AGAP1: variants seen among roughly 807,000 people sequenced by gnomAD.
The protein encoded by AGAP1 is ArfGAP with GTPase domain, ankyrin repeat and PH domain 1.
Under a neutral mutation model 105.3 loss-of-function variants are expected in AGAP1, and 29 were observed. That is an observed-to-expected ratio of 0.28 (90% CI 0.21 to 0.38). The LOEUF (loss-of-function observed/expected upper bound fraction) is 0.38. AGAP1 is among the 10% of genes least tolerant of loss of function. AGAP1 has a pLI of 1.00. For missense variants in AGAP1, 998 were observed against 1,165.1 expected (o/e 0.86, Z 2.09); for synonymous variants, 509 against 485.9 (o/e 1.05, Z -0.63).
chr2:235,564,047 G>A (rs760653979), intron 1 of AGAP1, among the ~76,000 whole-genome samples: 3 of 152,158 alleles, frequency 2.0e-5, no homozygotes, highest in Non-Finnish European at 2.9e-5. Context: ...GTGGCTCTGC[G>A]ATTGGAGGAA....
At chr2:235,554,673 A>ATTTCTTTC (rs1208501734) in intron 1 of AGAP1, among the ~76,000 whole-genome samples, 1 of 151,872 alleles carries the variant, frequency 6.6e-6, no homozygotes, top group Non-Finnish European at 1.5e-5. Flanking sequence ...TCACGGAACC[A>ATTTCTTTC]TTTCTTTCTT....
In AGAP1 at chr2:236,077,798, T is replaced by C. The variant is rs370628249; in HGVS notation, c.2114+28517T>C. ...CTTATGATTAATTCATTTCTAAGGA[T>C]GAGTTTCTAGAAGGAGCCAAATGAG... On this transcript the variant is annotated intron_variant, in intron 16 of 17. Transcript: ENST00000304032. 1.6e-4 allele frequency among the ~76,000 whole-genome samples: 25 copies of C among 152,286 alleles called. No homozygotes were observed. In the South Asian group the frequency reaches 4.6e-3, roughly 28 times the overall value.
chr2:235,587,399 G>A lies in AGAP1; in HGVS notation c.163+92550G>A, dbSNP rs1174916267. On this transcript the variant is annotated intron_variant, in intron 1 of 17. Transcript: ENST00000304032. ...GCTGGGATTCCGAGCTCAGGGCAGCGGGATGCTCACCATGTGCTGGGTGCT... is the reference window on the plus strand; with the variant it reads ...GCTGGGATTCCGAGCTCAGGGCAGCAGGATGCTCACCATGTGCTGGGTGCT... Among the ~76,000 whole-genome samples, 6 of 152,136 alleles carry A rather than the reference G, an allele frequency of 3.9e-5. No homozygotes were observed. The South Asian group carries it at 8.3e-4, about 21-fold the overall frequency.
chr2:235,783,674 T>C (rs900338661), intron 6 of AGAP1, among the ~76,000 whole-genome samples: 1 of 151,724 alleles, frequency 6.6e-6, no homozygotes, highest in Non-Finnish European at 1.5e-5. Context: ...ACGGGCAAAC[T>C]GATTGGTGAT....
At chr2:235,707,472 A>ACCCCCCCCCCCCC (rs1250772330) in intron 1 of AGAP1, among the ~76,000 whole-genome samples, 26 of 22,406 alleles carry the variant, frequency 1.2e-3, no homozygotes, top group Non-Finnish European at 2.4e-3. Flanking sequence ...CCTCCCCATG[A>ACCCCCCCCCCCCC]CCCCCCCCCC....
chr2:235,548,513 C>T (rs998396111), intron 1 of AGAP1, among the ~76,000 whole-genome samples: 3 of 152,082 alleles, frequency 2.0e-5, no homozygotes, highest in Non-Finnish European at 4.4e-5. Context: ...ATTAGCCAGG[C>T]GTGGTGGCAT....
chr2:235,901,340 G>A lies in AGAP1; in HGVS notation c.1156-7398G>A, dbSNP rs773879139. On this transcript the variant is annotated intron_variant, in intron 10 of 17. Coordinates refer to ENST00000304032, the MANE Select transcript of AGAP1 (RefSeq NM_001037131.3). This position sits in a 1 kb window ranked among gnomAD's most constrained non-coding sequence, Gnocchi z 4.3. ...TAAAAATAGAACTTCACAAATTACT[G>A]CTTCCTTTTGATACTGGATATTCAT... is the stretch of plus-strand genomic sequence containing the variant. Among the ~76,000 whole-genome samples, 1 of 151,560 alleles carries A rather than the reference G, an allele frequency of 6.6e-6. No homozygotes were observed. Among genetic ancestry groups the A allele is most frequent in the Non-Finnish European group, 1.5e-5 (1 of 67,958 alleles).
chr2:235,753,398 C>T lies in AGAP1; in HGVS notation c.673+2910C>T, dbSNP rs1209432764. ...CCAGTTTCGTATTATAGAAATAATA[C>T]ACTCTCATTATGTATTCGGATTTTG... On this transcript the variant is annotated intron_variant, in intron 6 of 17. Transcript: ENST00000304032. This position sits in a 1 kb window ranked among gnomAD's most constrained non-coding sequence, Gnocchi z 4.5. Among the ~76,000 whole-genome samples, 3 of 152,068 alleles carry T rather than the reference C, an allele frequency of 2.0e-5. No homozygotes were observed. Among genetic ancestry groups the T allele is most frequent in the African/African-American group, 7.2e-5 (3 of 41,402 alleles).
chr2:235,725,218 T>C lies in AGAP1; in HGVS notation c.310+7574T>C, dbSNP rs1395139821. Among the ~76,000 whole-genome samples, 2 of 152,202 alleles carry C rather than the reference T, an allele frequency of 1.3e-5. No individual in the cohort carries two copies. The highest frequency in any genetic ancestry group is 3.9e-4 in the East Asian group (2 of 5,194). On this transcript the variant is annotated intron_variant, in intron 3 of 17. Coordinates refer to ENST00000304032, the MANE Select transcript of AGAP1 (RefSeq NM_001037131.3). The surrounding 1 kb of genome is among the most constrained non-coding windows in gnomAD (Gnocchi z 5.7). ...CCCGGGGTTAGCCTTGCCACCCTCC[T>C]TCAGGACTGCCTAGAATTGTTTCCT...
rs189448618 is a variant in AGAP1 at position 236,049,000 on chromosome 2, C to T, written c.1892-59C>T. 5.3e-4 allele frequency: 788 copies of T among 1,478,696 alleles called. 3 individuals are homozygous for T. The African/African-American group carries it at 8.9e-3, about 17-fold the overall frequency. The allele number at this position is 1,478,696 out of a possible 1,614,324, so 91.6% of individuals were successfully genotyped here. A position where few individuals can be genotyped will look rare whatever the true frequency, so the allele number is the denominator to read the frequency against. On this transcript the variant is annotated intron_variant, in intron 15 of 17. Transcript: ENST00000304032. The stretch of plus-strand genomic sequence containing the variant: ...ATTCGTCGCCTTGTGTTTCTAAGAA[C>T]GGTTGGAATGATGCATGATGGTCTG...
chr2:235,715,768 A>G (rs972212422), intron 2 of AGAP1, among the ~76,000 whole-genome samples: 16 of 152,246 alleles, frequency 1.1e-4, no homozygotes, highest in Middle Eastern at 3.4e-3. Context: ...ATCCGTGCAC[A>G]CTGGAGAGTC....
In AGAP1 at chr2:236,113,670, G is replaced by A. The variant is rs909881594; in HGVS notation, c.2115-6522G>A. Among the ~76,000 whole-genome samples, 1 of 152,122 alleles carries A rather than the reference G, an allele frequency of 6.6e-6. No homozygotes were observed. The highest frequency in any genetic ancestry group is 2.4e-5 in the African/African-American group (1 of 41,414). ...GGATGGACACAGGGAAGCCACCTTG[G>A]CCAAGTCACCACCCCTCAAGGTCAG... On this transcript the variant is annotated intron_variant, in intron 16 of 17. Transcript: ENST00000304032. This position sits in a 1 kb window ranked among gnomAD's most constrained non-coding sequence, Gnocchi z 4.3.
At chr2:235,618,154 C>T (rs961705060) in intron 1 of AGAP1, among the ~76,000 whole-genome samples, 2 of 152,114 alleles carry the variant, frequency 1.3e-5, no homozygotes, top group Admixed American at 6.6e-5. Flanking sequence ...TTTACTGTTA[C>T]TGCGTTGATG....
intron 1 of AGAP1, among the ~76,000 whole-genome samples, chr2:235,498,738 A>C (rs1046567306): frequency 6.6e-6 from 1 of 152,158 alleles, no homozygotes; most frequent in African/African-American, 2.4e-5. Context: ...CCAGGTTCCC[A>C]CGCATCGCCG....
intron 12 of AGAP1, among the ~76,000 whole-genome samples, chr2:235,949,993 G>A (rs1237714627): frequency 1.3e-5 from 2 of 152,250 alleles, no homozygotes; most frequent in East Asian, 3.9e-4. Flanking sequence ...GCGCTGGGAA[G>A]TCTGGGAAGA....
intron 13 of AGAP1, among the ~76,000 whole-genome samples, chr2:235,978,751 T>C (rs77568712): frequency 0.066 from 10,113 of 152,182 alleles, 1,129 homozygotes; most frequent in African/African-American, 0.23. Flanking sequence ...CCTCTGTGCA[T>C]GTCCATTTCT....
chr2:236,007,170 T>C (rs933477027), intron 13 of AGAP1, among the ~76,000 whole-genome samples: 3 of 152,234 alleles, frequency 2.0e-5, no homozygotes, highest in African/African-American at 7.2e-5. Flanking sequence ...TAATGCTTGA[T>C]TGACTGAATA....
At chr2:235,918,202 A>C (rs1489481597) in intron 11 of AGAP1, among the ~76,000 whole-genome samples, 2 of 152,238 alleles carry the variant, frequency 1.3e-5, no homozygotes, top group African/African-American at 4.8e-5. Flanking sequence ...TGGTTACAAC[A>C]TATAAATTGG....
chr2:235,974,333 A>T (rs1381991730), intron 13 of AGAP1, among the ~76,000 whole-genome samples: 2 of 152,230 alleles, frequency 1.3e-5, no homozygotes, highest in African/African-American at 4.8e-5. Flanking sequence ...CTCAGATTCC[A>T]TGTAAAGACA....
Sources: gnomAD v4.1 joint callset for allele counts (sites outside exome capture counted in the v4.1 genomes callset) on GRCh38, gnomAD v4.1.1 for gene constraint, Gnocchi (gnomAD v3.1) non-coding constraint, MANE v1.5 for transcripts, NCBI Gene and HGNC (gene_info 2026-07-23, HGNC 2026-07-21) for gene names.